TYW3: variants seen among roughly 807,000 people sequenced by gnomAD.
TYW3 encodes tRNA wybutosine-synthesizing protein 3 homolog.
Under a neutral mutation model 23.1 loss-of-function variants are expected in TYW3, and 26 were observed. The observed-to-expected ratio is 1.13, with a 90% CI of 0.83 to 1.56. TYW3 has a LOEUF of 1.56. Ranked by LOEUF, TYW3 falls within the 40% of genes most tolerant of loss-of-function variation. The pLI is 0.00. For synonymous variants in TYW3, 102 were observed against 105.7 expected, an observed-to-expected ratio of 0.97 and a Z score of 0.21; for missense variants, 316 against 311.9, an observed-to-expected ratio of 1.01 and a Z score of -0.10.
At position 74,733,194 on chromosome 1, in the gene TYW3, G is replaced by A. The variant is rs756723404; in HGVS notation, c.-51G>A. 6.3e-7 allele frequency: 1 copy of A among 1,595,828 alleles called. No individual in the cohort carries two copies. The highest frequency in any genetic ancestry group is 1.1e-5 in the South Asian group (1 of 88,402). On this transcript the variant is annotated 5_prime_UTR_variant, in exon 1 of 6. Coordinates refer to ENST00000370867, the MANE Select transcript of TYW3 (RefSeq NM_138467.3). ...GCTTCAATATGGCTGCCCCCAGGGA[G>A]AGACGAGGCTACCATGAAGGAGCCG...
chr1:74,761,377 T>G (rs758025033), intron 5 of TYW3, among the ~76,000 whole-genome samples: 81 of 152,182 alleles, frequency 5.3e-4, no homozygotes, highest in Admixed American at 2.0e-3. Flanking sequence ...TCCTTTTTAA[T>G]TACTTTTTTT....
intron 3 of TYW3, among the ~76,000 whole-genome samples, chr1:74,746,119 T>C (rs1287728925): frequency 6.6e-6 from 1 of 152,194 alleles, no homozygotes; most frequent in Non-Finnish European, 1.5e-5. Flanking sequence ...AAATTTCAAA[T>C]AGACATTTGG....
At position 74,765,016 on chromosome 1, in the gene TYW3, A is replaced by G. The variant is rs1198339508; in HGVS notation, c.*903A>G. Reference sequence around the variant, plus strand: ...CTTAATATGGCTGCATATCAGAATTACCTAGGTCAGGACGAGGCATGGAGA... The same window carrying G: ...CTTAATATGGCTGCATATCAGAATTGCCTAGGTCAGGACGAGGCATGGAGA... On this transcript the variant is annotated 3_prime_UTR_variant, in exon 6 of 6. Transcript: ENST00000370867. 1.3e-5 allele frequency: 2 copies of G among 152,076 alleles called. No individual in the cohort carries two copies. Among genetic ancestry groups the G allele is most frequent in the Non-Finnish European group, 2.9e-5 (2 of 67,998 alleles). The allele number at this position is 152,076 out of a possible 1,614,324, so 9.4% of individuals were successfully genotyped here. A position where few individuals can be genotyped will look rare whatever the true frequency, so the allele number is the denominator to read the frequency against.
At chr1:74,752,461 T>C (rs369818819) in intron 5 of TYW3, 36 bp downstream of exon 5, 30 of 1,587,484 alleles carry the variant, frequency 1.9e-5, no homozygotes, top group African/African-American at 1.9e-4. Flanking sequence ...TATTCTTATA[T>C]GCCTAGATCA....
intron 5 of TYW3, among the ~76,000 whole-genome samples, chr1:74,759,153 G>C (rs1649049347): frequency 1.3e-5 from 2 of 152,132 alleles, no homozygotes; most frequent in African/African-American, 4.8e-5. Flanking sequence ...AGATGGTTTA[G>C]AGATGGGGTG....
intron 5 of TYW3, among the ~76,000 whole-genome samples, chr1:74,763,226 G>T (rs1029338916): frequency 6.6e-6 from 1 of 151,934 alleles, no homozygotes; most frequent in Non-Finnish European, 1.5e-5. Context: ...GCCTTTTAAC[G>T]ATGTAATGAT....
chr1:74,741,401 G>A (rs1016451033), intron 3 of TYW3, among the ~76,000 whole-genome samples: 14 of 152,182 alleles, frequency 9.2e-5, no homozygotes, highest in African/African-American at 2.9e-4. Context: ...TGATGGTCCC[G>A]CAGGTTCCTC....
In TYW3 at chr1:74,736,592, T is replaced by C; in HGVS notation, c.225T>C (p.Val75=). 6.2e-7 allele frequency: 1 copy of C among 1,604,548 alleles called. No homozygotes were observed. The highest frequency in any genetic ancestry group is 1.7e-4 in the Middle Eastern group (1 of 6,028). Residue 75 remains valine, a synonymous_variant, in exon 2 of 6, where the codon GTT becomes GTC. Coordinates refer to ENST00000370867, the MANE Select transcript of TYW3 (RefSeq NM_138467.3). The part of the protein sequence containing the change: ...VQKQNCCWLL[V]THKLCVKDDV... ...AACAAAACTGTTGCTGGCTACTGGTTACACACAAACTTTGTGTAAAAGATG... is the reference window on the plus strand; with the variant it reads ...AACAAAACTGTTGCTGGCTACTGGTCACACACAAACTTTGTGTAAAAGATG...
At chr1:74,763,865 A>T in intron 5 of TYW3, 29 bp from the exon 6 acceptor site, 1 of 1,550,700 alleles carries the variant, frequency 6.4e-7, no homozygotes, top group Non-Finnish European at 8.7e-7. Context: ...GTACACACAG[A>T]TATAATAGTA....
At chr1:74,761,304 A>G (rs1183761373) in intron 5 of TYW3, among the ~76,000 whole-genome samples, 1 of 152,090 alleles carries the variant, frequency 6.6e-6, no homozygotes, top group Non-Finnish European at 1.5e-5. Flanking sequence ...TTGTTTTGGT[A>G]CCCTAAGGAC....
intron 5 of TYW3, among the ~76,000 whole-genome samples, chr1:74,755,817 C>A (rs536923948): frequency 2.6e-5 from 4 of 152,150 alleles, no homozygotes; most frequent in African/African-American, 9.7e-5. Flanking sequence ...AAAAGAAGAG[C>A]ATGAACAAAG....
At chr1:74,757,251 A>T (rs1212820818) in intron 5 of TYW3, among the ~76,000 whole-genome samples, 1 of 152,174 alleles carries the variant, frequency 6.6e-6, no homozygotes, top group African/African-American at 2.4e-5. Flanking sequence ...CCCCAGAATG[A>T]TAGATCCACC....
intron 3 of TYW3, among the ~76,000 whole-genome samples, chr1:74,747,736 T>C (rs1282381545): frequency 1.3e-5 from 2 of 150,914 alleles, no homozygotes; most frequent in South Asian, 2.1e-4. Context: ...TACACATATA[T>C]ACACACACAT....
At chr1:74,749,432 G>A (rs1648699336) in intron 4 of TYW3, among the ~76,000 whole-genome samples, 1 of 151,346 alleles carries the variant, frequency 6.6e-6, no homozygotes, top group African/African-American at 2.5e-5. Context: ...CTTTCGACTA[G>A]ATGATCTTTA....
chr1:74,733,322 TGAC>T lies in TYW3; in HGVS notation c.81_83del (p.Asp27del). ...CGGACCTCAGCCGGAAGGGCAGTGT[TGAC>T]GAGGATGTGGTAGAGCTTGTGCAGT... On this transcript the variant is annotated inframe_deletion, in exon 1 of 6. Transcript: ENST00000370867. 1 of 1,614,170 alleles carries T rather than the reference TGAC, an allele frequency of 6.2e-7. No individual in the cohort carries two copies. Among genetic ancestry groups the T allele is most frequent in the Non-Finnish European group, 8.5e-7 (1 of 1,180,030 alleles).
At chr1:74,757,206 G>T (rs572830441) in intron 5 of TYW3, among the ~76,000 whole-genome samples, 1 of 152,228 alleles carries the variant, frequency 6.6e-6, no homozygotes, top group African/African-American at 2.4e-5. Flanking sequence ...GCAATGCCTA[G>T]TGGAGCTGTG....
intron 5 of TYW3, among the ~76,000 whole-genome samples, chr1:74,754,909 G>T (rs1041800206): frequency 6.6e-6 from 1 of 152,044 alleles, no homozygotes; most frequent in Non-Finnish European, 1.5e-5. Context: ...CATACATAAC[G>T]ATCTAGAGAA....
intron 3 of TYW3, among the ~76,000 whole-genome samples, chr1:74,745,212 A>C (rs1056147715): frequency 2.6e-5 from 4 of 152,210 alleles, no homozygotes; most frequent in South Asian, 2.1e-4. Flanking sequence ...TGTGGGCCCA[A>C]AGAGTGAGCA....
chr1:74,760,466 T>C (rs2100778090), intron 5 of TYW3, among the ~76,000 whole-genome samples: 1 of 152,352 alleles, frequency 6.6e-6, no homozygotes, highest in African/African-American at 2.4e-5. Flanking sequence ...CCATCTTTTT[T>C]CCTCCTAATT....
Sources: gnomAD v4.1 joint callset for allele counts (sites outside exome capture counted in the v4.1 genomes callset) on GRCh38, gnomAD v4.1.1 for gene constraint, MANE v1.5 for transcripts, NCBI Gene and HGNC (gene_info 2026-07-23, HGNC 2026-07-21) for gene names.